Variants in ARFGAP3 observed in about 807,000 individuals in gnomAD.
ARFGAP3 encodes the protein ADP-ribosylation factor GTPase-activating protein 3.
A neutral mutation model predicts 75.0 loss-of-function variants in ARFGAP3; 72 were observed. The observed-to-expected ratio is 0.96, with a 90% CI of 0.79 to 1.17. The LOEUF (loss-of-function observed/expected upper bound fraction) is 1.17, where lower values mean the gene tolerates loss of function less well. ARFGAP3 is among the 50% of genes most tolerant of loss of function. The probability of loss-of-function intolerance (pLI) is 0.00; values close to 1 mark genes in which losing one functional copy is unlikely to be tolerated. For synonymous variants in ARFGAP3, 221 were observed against 217.9 expected, an observed-to-expected ratio of 1.01 and a Z score of -0.13; for missense variants, 620 against 626.6, an observed-to-expected ratio of 0.99 and a Z score of 0.11.
rs549624282 is a variant in ARFGAP3, at chr22:42,842,452, A to G, written c.189-1436T>C. Reference sequence around the variant, plus strand: ...TGAGCCACCATGCCCAGTGAACCATACCTTTTTTTTTTTGAGACACAGCCT... The same window carrying G: ...TGAGCCACCATGCCCAGTGAACCATGCCTTTTTTTTTTTGAGACACAGCCT... On this transcript the variant is annotated intron_variant, in intron 2 of 15. Transcript: ENST00000263245. Among the ~76,000 whole-genome samples, 12 of 146,860 alleles carry G rather than the reference A, an allele frequency of 8.2e-5. No individual in the cohort carries two copies. In the South Asian group the frequency reaches 8.6e-4, roughly 11 times the overall value.
At chr22:42,812,496 G>A (rs549043872) in intron 11 of ARFGAP3, among the ~76,000 whole-genome samples, 1 of 152,266 alleles carries the variant, frequency 6.6e-6, no homozygotes, top group South Asian at 2.1e-4. Context: ...GCTATAAGGA[G>A]TTGCACAGAA....
intron 14 of ARFGAP3, among the ~76,000 whole-genome samples, chr22:42,803,153 C>T (rs1569133579): frequency 6.6e-6 from 1 of 152,202 alleles, no homozygotes; most frequent in African/African-American, 2.4e-5. Context: ...AGCCATCGCA[C>T]CTAGCTAATT....
intron 10 of ARFGAP3, 26 bp downstream of exon 10, chr22:42,817,703 A>T (rs1490476808): frequency 6.4e-7 from 1 of 1,553,490 alleles, no homozygotes; most frequent in South Asian, 1.1e-5. Flanking sequence ...TTTAAATTCT[A>T]ACTCCAAGAA....
rs1602106793 is a variant in ARFGAP3 at position 42,822,384 on chromosome 22, C to T, written c.698G>A (p.Gly233Glu). Reference sequence around the variant, plus strand: ...GCATGTGTTTGCCAGTTTCTGAGCTCCCAAACTTCCTTTTTTGGCCCCAAG... The same window carrying T: ...GCATGTGTTTGCCAGTTTCTGAGCTTCCAAACTTCCTTTTTTGGCCCCAAG... ...KGLGAKKGSL[G>E]AQKLANTCFN... The change falls in exon 9 of 16, where the codon GGA (glycine) becomes GAA (glutamate). Residue 233 changes from glycine (G) to glutamate (E), a missense_variant. Transcript: ENST00000263245. 1 of 1,613,962 alleles carries T rather than the reference C, an allele frequency of 6.2e-7. No individual in the cohort carries two copies. The highest frequency in any genetic ancestry group is 1.3e-5 in the African/African-American group (1 of 74,890).
chr22:42,815,851 G>C (rs1393599859), intron 11 of ARFGAP3, among the ~76,000 whole-genome samples: 1 of 152,170 alleles, frequency 6.6e-6, no homozygotes, highest in Non-Finnish European at 1.5e-5. Flanking sequence ...GGAGGCTCAT[G>C]CCTGTAATCT....
At chr22:42,811,463 A>G (rs1602097795) in intron 11 of ARFGAP3, among the ~76,000 whole-genome samples, 1 of 152,206 alleles carries the variant, frequency 6.6e-6, no homozygotes, top group African/African-American at 2.4e-5. Context: ...GGCAATCACA[A>G]ATAACACTGC....
intron 8 of ARFGAP3, 106 bp from the exon 9 acceptor site, chr22:42,822,515 C>T (rs113906756): frequency 7.3e-7 from 1 of 1,376,248 alleles, no homozygotes; most frequent in Non-Finnish European, 9.9e-7. Flanking sequence ...GTGACAAGCA[C>T]TCTACATTTG....
intron 8 of ARFGAP3, among the ~76,000 whole-genome samples, chr22:42,822,688 C>T (rs1602107092): frequency 6.6e-6 from 1 of 152,300 alleles, no homozygotes; most frequent in Middle Eastern, 3.4e-3. Context: ...GTGTAGCCTC[C>T]AGTATACTTT....
chr22:42,817,656 C>A, intron 10 of ARFGAP3, 73 bp downstream of exon 10: 2 of 1,242,418 alleles, frequency 1.6e-6, no homozygotes, highest in South Asian at 1.4e-5. Flanking sequence ...GAAACTAACA[C>A]AGTCCAAGAA....
At chr22:42,836,763 T>G (rs1356954371) in intron 3 of ARFGAP3, among the ~76,000 whole-genome samples, 2 of 152,186 alleles carry the variant, frequency 1.3e-5, no homozygotes, top group African/African-American at 4.8e-5. Flanking sequence ...TTGTGAGTGC[T>G]TCATGGGCAT....
At chr22:42,832,923 T>C (rs1209577005) in intron 5 of ARFGAP3, among the ~76,000 whole-genome samples, 2 of 151,614 alleles carry the variant, frequency 1.3e-5, no homozygotes, top group African/African-American at 4.9e-5. Context: ...AGGTGGATGT[T>C]GCAGTGAGCC....
intron 2 of ARFGAP3, among the ~76,000 whole-genome samples, chr22:42,845,613 G>A (rs1248238662): frequency 1.3e-5 from 2 of 151,114 alleles, no homozygotes; most frequent in African/African-American, 4.9e-5. Flanking sequence ...TCAACAAATG[G>A]TGATGGAAAA....
intron 1 of ARFGAP3, among the ~76,000 whole-genome samples, chr22:42,852,136 C>A (rs1379243032): frequency 6.6e-6 from 1 of 151,306 alleles, no homozygotes; most frequent in Non-Finnish European, 1.5e-5. Flanking sequence ...CTCACTTCAA[C>A]CTCTGCCTCC....
Position 42,823,639 on chromosome 22 carries a change from A to T in ARFGAP3, c.672+17T>A. On this transcript the variant is annotated intron_variant, in intron 8 of 15. Transcript: ENST00000263245. ...CTTAACTACCAGATTTTTATATATA[A>T]AGTACATAATACTCACGCCTTTTTT... 2 of 1,516,126 alleles carry T rather than the reference A, an allele frequency of 1.3e-6. No homozygotes were observed. Among genetic ancestry groups the T allele is most frequent in the Non-Finnish European group, 1.8e-6 (2 of 1,119,552 alleles). The allele number at this position is 1,516,126 out of a possible 1,614,324, so 93.9% of individuals were successfully genotyped here.
intron 14 of ARFGAP3, among the ~76,000 whole-genome samples, chr22:42,804,602 G>C (rs920139157): frequency 6.6e-6 from 1 of 151,918 alleles, no homozygotes; most frequent in Non-Finnish European, 1.5e-5. Context: ...GGCTGGTCTC[G>C]ATCTCTTGAC....
intron 5 of ARFGAP3, among the ~76,000 whole-genome samples, chr22:42,832,345 T>A (rs761758198): frequency 9.2e-5 from 14 of 151,418 alleles, no homozygotes; most frequent in Non-Finnish European, 1.5e-5. Flanking sequence ...CTGGCCAATA[T>A]GGTGAAACCC....
intron 12 of ARFGAP3, among the ~76,000 whole-genome samples, chr22:42,809,831 G>A (rs936157067): frequency 1.3e-5 from 2 of 151,560 alleles, no homozygotes; most frequent in African/African-American, 2.4e-5. Flanking sequence ...GTGAAACCCC[G>A]TCTCTATTAA....
chr22:42,804,173 G>A (rs550195112), intron 14 of ARFGAP3, among the ~76,000 whole-genome samples: 80 of 151,632 alleles, frequency 5.3e-4, no homozygotes, highest in Middle Eastern at 3.4e-3. Flanking sequence ...CAAAGTGCTG[G>A]ATTATAGGGG....
intron 11 of ARFGAP3, among the ~76,000 whole-genome samples, chr22:42,815,877 C>T (rs1161260041): frequency 6.6e-6 from 1 of 152,216 alleles, no homozygotes; most frequent in Non-Finnish European, 1.5e-5. Context: ...CTTTGGGAGG[C>T]TGAGGCCAGC....
Sources: allele counts gnomAD v4.1 joint callset (sites outside exome capture counted in the v4.1 genomes callset), GRCh38; gene constraint gnomAD v4.1.1; transcripts MANE v1.5; gene names NCBI Gene and HGNC (gene_info 2026-07-23, HGNC 2026-07-21).